The following TENM4 variants were observed in gnomAD, a reference collection of about 807,000 sequenced individuals.
The protein encoded by TENM4 is teneurin transmembrane protein 4.
In TENM4, 82 loss-of-function variants were observed where a neutral mutation model predicts 243.3. The observed-to-expected ratio is 0.34, with a 90% CI of 0.28 to 0.40. The LOEUF (loss-of-function observed/expected upper bound fraction) is 0.40. Among genes scored for constraint, TENM4 ranks in the 10% least tolerant of loss-of-function variants. The pLI, the probability that TENM4 is intolerant of heterozygous loss-of-function variation, is 1.00. For missense variants in TENM4, 3,138 were observed against 3,673.3 expected (o/e 0.85, Z 3.77); for synonymous variants, 1,412 against 1,456.3 (o/e 0.97, Z 0.69).
chr11:78,899,563 G>GGGC (rs1555098932), intron 7 of TENM4, among the ~76,000 whole-genome samples: 3 of 136,304 alleles, frequency 2.2e-5, no homozygotes, highest in Non-Finnish European at 1.6e-5. Flanking sequence ...AAAAAGCGGG[G>GGGC]GGGGGGGGAA....
chr11:78,798,047 A>G (rs1048089917), intron 15 of TENM4, among the ~76,000 whole-genome samples: 1 of 152,220 alleles, frequency 6.6e-6, no homozygotes, highest in East Asian at 1.9e-4. Flanking sequence ...CTCAATGCTG[A>G]ATCTAATTTT....
At chr11:78,873,225 T>C (rs1304220850) in intron 9 of TENM4, among the ~76,000 whole-genome samples, 1 of 152,176 alleles carries the variant, frequency 6.6e-6, no homozygotes, top group Non-Finnish European at 1.5e-5. Context: ...GCTTCTTGTT[T>C]GATTACACAC....
chr11:79,209,616 A>T (rs1384894053), intron 3 of TENM4, among the ~76,000 whole-genome samples: 1 of 152,176 alleles, frequency 6.6e-6, no homozygotes, highest in East Asian at 1.9e-4. Context: ...CTGAGTAGAG[A>T]CTGGAGGTGC....
chr11:78,712,789 C>T lies in TENM4; in HGVS notation c.3822-75G>A, dbSNP rs1859431318. ...AGTAGCTGGAGATGTACAGATGAAC[C>T]CCTGGCCCTTTAGAATCCAAGCAAA... On this transcript the variant is annotated intron_variant, in intron 25 of 33. Coordinates refer to ENST00000278550, the MANE Select transcript of TENM4 (RefSeq NM_001098816.3). 7.3e-6 allele frequency: 10 copies of T among 1,375,140 alleles called. No individual in the cohort carries two copies. The Admixed American group carries it at 2.0e-4, about 28-fold the overall frequency. The allele number at this position is 1,375,140 out of a possible 1,614,324, so 85.2% of individuals were successfully genotyped here.
At chr11:79,043,921 A>G (rs1253461309) in intron 6 of TENM4, among the ~76,000 whole-genome samples, 1 of 152,168 alleles carries the variant, frequency 6.6e-6, no homozygotes, top group Non-Finnish European at 1.5e-5. Context: ...CATGCAGACC[A>G]TGGCTTATGG....
intron 6 of TENM4, among the ~76,000 whole-genome samples, chr11:79,046,404 C>A (rs561121467): frequency 6.6e-6 from 1 of 152,112 alleles, no homozygotes. Context: ...TAGTGCCTGG[C>A]AACTAATGGG....
chr11:78,990,705 T>C (rs1282055722), intron 6 of TENM4, among the ~76,000 whole-genome samples: 1 of 152,206 alleles, frequency 6.6e-6, no homozygotes, highest in Admixed American at 6.5e-5. Context: ...AACGACAGGA[T>C]GGGTGTTGAT....
intron 7 of TENM4, among the ~76,000 whole-genome samples, chr11:78,893,799 A>ACACACACACACACACACACACACC (rs745800849): frequency 2.0e-5 from 3 of 148,612 alleles, no homozygotes; most frequent in African/African-American, 4.9e-5. Flanking sequence ...ACACACACAC[A>ACACACACACACACACACACACACC]CTCCTCTCTT....
chr11:78,800,753 G>GAC (rs1321895509), intron 15 of TENM4, among the ~76,000 whole-genome samples: 1 of 152,032 alleles, frequency 6.6e-6, no homozygotes, highest in African/African-American at 2.4e-5. Flanking sequence ...GAGAGAGAGA[G>GAC]AGAGAGAGAG....
intron 1 of TENM4, among the ~76,000 whole-genome samples, chr11:79,337,078 C>G (rs911828700): frequency 6.6e-6 from 1 of 152,230 alleles, no homozygotes; most frequent in East Asian, 1.9e-4. Flanking sequence ...TGGCCTAAAG[C>G]CAGCAAAGCT....
intron 10 of TENM4, among the ~76,000 whole-genome samples, chr11:78,858,603 T>C (rs985664060): frequency 1.3e-4 from 20 of 152,204 alleles, no homozygotes; most frequent in African/African-American, 4.8e-4. Context: ...AAATCCTTAT[T>C]GCCTTACACT....
chr11:79,386,385 C>T (rs768397272), intron 1 of TENM4, among the ~76,000 whole-genome samples: 2 of 151,902 alleles, frequency 1.3e-5, no homozygotes, highest in Non-Finnish European at 2.9e-5. Flanking sequence ...ATAAAATGTG[C>T]TAATCAAAAA....
At chr11:79,114,713 T>A (rs766024041) in intron 4 of TENM4, among the ~76,000 whole-genome samples, 14 of 152,234 alleles carry the variant, frequency 9.2e-5, no homozygotes, top group Non-Finnish European at 1.8e-4. Flanking sequence ...ATAATTTATG[T>A]AACTGATCCA....
intron 2 of TENM4, among the ~76,000 whole-genome samples, chr11:79,256,310 C>T (rs1210259626): frequency 2.0e-5 from 3 of 152,228 alleles, no homozygotes; most frequent in Non-Finnish European, 4.4e-5. Flanking sequence ...CTGCTCCTCT[C>T]TCAACCCTCC....
In TENM4 at chr11:79,420,774, C is replaced by T. The variant is rs557739407; in HGVS notation, c.-321+19735G>A. 4.0e-4 allele frequency among the ~76,000 whole-genome samples: 61 copies of T among 152,152 alleles called. 1 individual carries two copies. The South Asian group carries it at 0.011, about 28-fold the overall frequency. ...CACATGCTCACACATCCACACAATA[C>T]GGAAAAAATATTTGAAACCTAGTCC... On this transcript the variant is annotated intron_variant, in intron 1 of 33. Transcript: ENST00000278550.
At chr11:79,309,282 C>T (rs1234422005) in intron 1 of TENM4, among the ~76,000 whole-genome samples, 1 of 152,214 alleles carries the variant, frequency 6.6e-6, no homozygotes, top group Non-Finnish European at 1.5e-5. Context: ...CTTGGGTTTA[C>T]AGGTAGGCGA....
intron 3 of TENM4, among the ~76,000 whole-genome samples, chr11:79,170,799 G>A (rs1238534695): frequency 6.6e-6 from 1 of 152,126 alleles, no homozygotes; most frequent in Non-Finnish European, 1.5e-5. Context: ...CCAGTTTTTG[G>A]TACAGTCTTA....
At chr11:79,191,823 C>T (rs1375017472) in intron 3 of TENM4, 14 of 192,912 alleles carry the variant, frequency 7.3e-5, no homozygotes, top group Non-Finnish European at 1.4e-4. Flanking sequence ...GCCGCCCCGT[C>T]TGAGAAGTGA....
intron 15 of TENM4, 72 bp downstream of exon 15, chr11:78,805,202 TACGTGATTGGGAACAGTC>T (rs1255713342): frequency 1.6e-6 from 1 of 641,646 alleles, no homozygotes; most frequent in African/African-American, 3.3e-5. Flanking sequence ...AATGCATTGC[TACGTGATTGGGAACAGTC>T]ACGTGATTGG....
Sources: gnomAD v4.1 joint callset for allele counts (sites outside exome capture counted in the v4.1 genomes callset) on GRCh38, gnomAD v4.1.1 for gene constraint, MANE v1.5 for transcripts, NCBI Gene and HGNC (gene_info 2026-07-23, HGNC 2026-07-21) for gene names.